RYR2: variants seen among roughly 807,000 people sequenced by gnomAD.
RYR2 encodes cardiac muscle ryanodine receptor-calcium release channel.
A neutral mutation model predicts 601.1 loss-of-function variants in RYR2; 227 were observed. That is an observed-to-expected ratio of 0.38 (90% CI 0.34 to 0.42). The LOEUF is 0.42. Among genes scored for constraint, RYR2 ranks in the 10% least tolerant of loss-of-function variants. The probability of loss-of-function intolerance (pLI) is 1.00; values close to 1 mark genes in which losing one functional copy is unlikely to be tolerated. For synonymous variants in RYR2, 2,223 were observed against 2,175.1 expected (o/e 1.02, Z -0.61); for missense variants, 4,646 against 6,156.5 (o/e 0.75, Z 8.21).
chr1:237,462,502 T>C (rs999746891), intron 16 of RYR2, among the ~76,000 whole-genome samples: 2 of 152,214 alleles, frequency 1.3e-5, no homozygotes, highest in African/African-American at 4.8e-5. Flanking sequence ...GTGGGATGCT[T>C]ACAAGACAGA....
chr1:237,646,349 A>AT (rs903463174), intron 48 of RYR2, among the ~76,000 whole-genome samples: 313 of 149,122 alleles, frequency 2.1e-3, no homozygotes, highest in African/African-American at 6.5e-3. Flanking sequence ...TCAAAAAAAA[A>AT]TTTTTTTTTT....
intron 33 of RYR2, among the ~76,000 whole-genome samples, chr1:237,595,242 G>A (rs1475576445): frequency 6.6e-6 from 1 of 152,144 alleles, no homozygotes; most frequent in Non-Finnish European, 1.5e-5. Flanking sequence ...GTGCAGGTCA[G>A]TTCTTACTTG....
intron 1 of RYR2, among the ~76,000 whole-genome samples, chr1:237,217,392 G>A (rs537430629): frequency 2.7e-4 from 41 of 151,066 alleles, no homozygotes; most frequent in Middle Eastern, 3.4e-3. Context: ...AGGAATATTT[G>A]GGAAATTTTA....
intron 34 of RYR2, among the ~76,000 whole-genome samples, chr1:237,599,291 A>G (rs1458952415): frequency 2.6e-5 from 4 of 152,210 alleles, no homozygotes; most frequent in African/African-American, 9.6e-5. Context: ...GGCAAGAAAA[A>G]GAAATAAAAG....
Position 237,566,629 on chromosome 1 carries a change from A to C in RYR2, c.3277A>C (p.Thr1093Pro), listed in dbSNP as rs1672114573. Residue 1093 changes from threonine to proline, a missense_variant, in exon 28 of 105, where the codon ACC (threonine) becomes CCC (proline). This residue lies in a region of RYR2 where 1,807 missense variants were observed against 2,088.1 expected (regional missense o/e 0.87). Coordinates refer to ENST00000366574, the MANE Select transcript of RYR2 (RefSeq NM_001035.3). ...ERFRIFRAEK[T>P]YAVKAGRWYF... ...GTTCCGAATCTTCCGTGCCGAGAAG[A>C]CCTATGCAGTGAAGGCCGGACGGTG... The C allele has an allele frequency of 6.2e-7, 1 of 1,613,974 alleles. No homozygotes were observed. The highest frequency in any genetic ancestry group is 8.5e-7 in the Non-Finnish European group (1 of 1,179,864).
intron 27 of RYR2, among the ~76,000 whole-genome samples, chr1:237,557,958 G>A (rs933086548): frequency 1.3e-5 from 2 of 152,110 alleles, no homozygotes; most frequent in South Asian, 2.1e-4. Flanking sequence ...AAGTACAAAC[G>A]TGAGACTATT....
At chr1:237,538,394 C>CAAAAAAAAAAAAAAAAAAAAAAAAAAAA (rs10551995) in intron 25 of RYR2, among the ~76,000 whole-genome samples, 2 of 32,900 alleles carry the variant, frequency 6.1e-5, no homozygotes, top group African/African-American at 2.7e-4. Context: ...GACTCTGTCT[C>CAAAAAAAAAAAAAAAAAAAAAAAAAAAA]AAAAAAAAAA....
intron 1 of RYR2, among the ~76,000 whole-genome samples, chr1:237,054,944 G>A (rs558398939): frequency 2.1e-4 from 32 of 151,944 alleles, no homozygotes; most frequent in African/African-American, 7.3e-4. Flanking sequence ...CTATGTTCAG[G>A]AGCCTCCTAC....
intron 1 of RYR2, among the ~76,000 whole-genome samples, chr1:237,259,357 A>G (rs575395113): frequency 6.6e-6 from 1 of 152,036 alleles, no homozygotes; most frequent in Non-Finnish European, 1.5e-5. Flanking sequence ...CAAATACAAA[A>G]ATTAGCCAGG....
At chr1:237,176,252 T>G (rs57481761) in intron 1 of RYR2, among the ~76,000 whole-genome samples, 1 of 109,896 alleles carries the variant, frequency 9.1e-6, no homozygotes, top group East Asian at 2.7e-4. Flanking sequence ...GAAAAAAATA[T>G]ATATATATAT....
chr1:237,584,520 T>A (rs1674288843), intron 29 of RYR2, among the ~76,000 whole-genome samples: 1 of 152,120 alleles, frequency 6.6e-6, no homozygotes, highest in Non-Finnish European at 1.5e-5. Context: ...GTAGAACAGT[T>A]CCTGGCACAT....
chr1:237,504,876 C>G (rs1665054051), intron 22 of RYR2, among the ~76,000 whole-genome samples: 1 of 152,124 alleles, frequency 6.6e-6, no homozygotes, highest in African/African-American at 2.4e-5. Flanking sequence ...AAACTGTTCT[C>G]TCTCACATCA....
intron 32 of RYR2, among the ~76,000 whole-genome samples, chr1:237,593,222 C>G (rs1376079507): frequency 6.6e-6 from 1 of 152,122 alleles, no homozygotes; most frequent in Admixed American, 6.6e-5. Flanking sequence ...AATCATTTAG[C>G]ATGTTTGCTC....
At chr1:237,108,673 G>T (rs532455197) in intron 1 of RYR2, among the ~76,000 whole-genome samples, 8 of 152,208 alleles carry the variant, frequency 5.3e-5, no homozygotes, top group Non-Finnish European at 1.2e-4. Flanking sequence ...GGAGGCTGCA[G>T]GGTGGAGGAG....
At chr1:237,043,865 T>C (rs968905123) in intron 1 of RYR2, among the ~76,000 whole-genome samples, 3 of 152,202 alleles carry the variant, frequency 2.0e-5, no homozygotes, top group Non-Finnish European at 4.4e-5. Context: ...GTGAAAATAG[T>C]CTTGATGTAT....
At chr1:237,809,460 T>C (rs1464501066) in intron 100 of RYR2, among the ~76,000 whole-genome samples, 1 of 152,224 alleles carries the variant, frequency 6.6e-6, no homozygotes, top group Non-Finnish European at 1.5e-5. Flanking sequence ...GCTTTTATAT[T>C]GAGTATCTTG....
intron 100 of RYR2, among the ~76,000 whole-genome samples, chr1:237,816,410 C>T (rs1182328082): frequency 1.3e-5 from 2 of 152,148 alleles, no homozygotes; most frequent in Non-Finnish European, 2.9e-5. Context: ...CCAGGCTAGG[C>T]ACGGTGACTC....
intron 12 of RYR2, among the ~76,000 whole-genome samples, chr1:237,440,910 C>T (rs768816519): frequency 1.2e-4 from 18 of 151,582 alleles, no homozygotes; most frequent in African/African-American, 4.4e-4. Flanking sequence ...AATTAACTTG[C>T]TAACATCTTA....
At chr1:237,164,243 C>T (rs111998934) in intron 1 of RYR2, among the ~76,000 whole-genome samples, 2,007 of 152,260 alleles carry the variant, frequency 0.013, 16 homozygotes, top group Non-Finnish European at 0.022. Flanking sequence ...GCCGAGATTG[C>T]GCCTGGGCCA....
Sources: gnomAD v4.1 joint callset for allele counts (sites outside exome capture counted in the v4.1 genomes callset) on GRCh38, gnomAD v4.1.1 for gene constraint, gnomAD v4.1.1 regional missense constraint, MANE v1.5 for transcripts, NCBI Gene and HGNC (gene_info 2026-07-23, HGNC 2026-07-21) for gene names.